The following GSTZ1 variants were observed in gnomAD, a reference collection of about 807,000 sequenced individuals.
The protein encoded by GSTZ1 is maleylacetoacetate isomerase.
A neutral mutation model predicts 35.9 loss-of-function variants in GSTZ1; 34 were observed. The ratio of observed to expected loss-of-function variants is 0.95; its 90% CI spans 0.72 to 1.26. GSTZ1 has a LOEUF of 1.26. Ranked by LOEUF, GSTZ1 falls within the 50% of genes most tolerant of loss-of-function variation. The pLI is 0.00. For missense variants in GSTZ1, 263 were observed against 271.7 expected (o/e 0.97, Z 0.23); for synonymous variants, 93 against 101.2 (o/e 0.92, Z 0.49).
In GSTZ1 at chr14:77,330,295, C is replaced by G; in HGVS notation, c.475-15C>G. On this transcript the variant is annotated splice_polypyrimidine_tract_variant and intron_variant, in intron 7 of 8. Transcript: ENST00000216465. ...GGTATGCACCCTGATGGGAACCCACCGGGACCTCTTTCAGGTGACCATGGC... is the reference window on the plus strand; with the variant it reads ...GGTATGCACCCTGATGGGAACCCACGGGGACCTCTTTCAGGTGACCATGGC... 1 of 1,608,674 alleles carries G rather than the reference C, an allele frequency of 6.2e-7. No homozygotes were observed. The highest frequency in any genetic ancestry group is 8.5e-7 in the Non-Finnish European group (1 of 1,175,060).
chr14:77,330,412 C>T lies in GSTZ1; in HGVS notation c.524+53C>T, dbSNP rs755353503. 9.5e-4 allele frequency: 1,334 copies of T among 1,404,588 alleles called. 13 individuals carry two copies. The highest frequency in any genetic ancestry group is 8.5e-3 in the Middle Eastern group (47 of 5,556). The allele number at this position is 1,404,588 out of a possible 1,614,324, so 87.0% of individuals were successfully genotyped here. A position where few individuals can be genotyped will look rare whatever the true frequency, so the allele number is the denominator to read the frequency against. On this transcript the variant is annotated intron_variant, in intron 8 of 8. Coordinates refer to ENST00000216465, the MANE Select transcript of GSTZ1 (RefSeq NM_145870.3). ...TCTCGTGGCTCTGCCCACAGTCAGG[C>T]CCCACTCAGCTGGCGAGATAGCATC...
At chr14:77,329,950 A>C in intron 7 of GSTZ1, 143 bp downstream of exon 7, 1 of 694,744 alleles carries the variant, frequency 1.4e-6, no homozygotes, top group South Asian at 1.6e-5. Context: ...ACTCCCACTA[A>C]ACCGTCTTAA....
intron 8 of GSTZ1, among the ~76,000 whole-genome samples, chr14:77,330,604 C>G (rs1892573529): frequency 2.0e-5 from 3 of 152,152 alleles, no homozygotes; most frequent in Non-Finnish European, 2.9e-5. Flanking sequence ...AGGTGGCTCA[C>G]CTGGTGGACC....
chr14:77,327,382 G>C, intron 3 of GSTZ1, 90 bp from the exon 4 acceptor site: 1 of 757,500 alleles, frequency 1.3e-6, no homozygotes, highest in African/African-American at 1.7e-5. Context: ...ATGGGGGTGG[G>C]TGGCAGGCCT....
chr14:77,329,915 T>C, intron 7 of GSTZ1, 108 bp downstream of exon 7: 1 of 842,238 alleles, frequency 1.2e-6, no homozygotes, highest in Non-Finnish European at 2.0e-6. Context: ...GGGGGATCTC[T>C]GTGCCATGGG....
chr14:77,329,771 A>G lies in GSTZ1; in HGVS notation c.438A>G (p.Leu146=), dbSNP rs1194538043. The part of the protein sequence containing the change: ...TCGFNALEQI[L]QSTAGIYCVG... ...TCCCCACAGCCCTGGAGCAGATCCT[A>G]CAGAGCACAGCGGGCATATACTGTG... The change falls in exon 7 of 9, where the codon CTA becomes CTG. Residue 146 remains leucine, a synonymous_variant. Coordinates refer to ENST00000216465, the MANE Select transcript of GSTZ1 (RefSeq NM_145870.3). The G allele has an allele frequency of 4.3e-6, 7 of 1,613,704 alleles. No homozygotes were observed. The highest frequency in any genetic ancestry group is 5.9e-6 in the Non-Finnish European group (7 of 1,179,614).
chr14:77,326,168 A>G (rs1467364960), intron 2 of GSTZ1: 1 of 152,230 alleles, frequency 6.6e-6, no homozygotes, highest in Non-Finnish European at 1.5e-5. Flanking sequence ...TGACCCACCC[A>G]AGTTTTTTTT....
At chr14:77,327,881 T>C (rs1396151785) in intron 4 of GSTZ1, 31 bp from the exon 5 acceptor site, 5 of 1,612,264 alleles carry the variant, frequency 3.1e-6, no homozygotes, top group Non-Finnish European at 4.2e-6. Context: ...TCCTGGGCCC[T>C]CTCCCTGCCT....
intron 1 of GSTZ1, 112 bp downstream of exon 1, chr14:77,321,295 A>G (rs560964879): frequency 1.3e-6 from 2 of 1,520,428 alleles, no homozygotes; most frequent in Non-Finnish European, 1.8e-6. Context: ...GACTCCCGGC[A>G]TGCAGTGCTT....
rs1216164090 is a variant in GSTZ1 at position 77,330,105 on chromosome 14, C to A, written c.475-205C>A. 3 of 704,362 alleles carry A rather than the reference C, an allele frequency of 4.3e-6. No individual in the cohort carries two copies. The East Asian group carries it at 8.0e-5, about 19-fold the overall frequency. The allele number at this position is 704,362 out of a possible 1,614,324, so 43.6% of individuals were successfully genotyped here. ...CAACCCACAGAGTTGGTTGTCAGGG[C>A]AACTGGAGCATGGCCTGGGAGGGCA... On this transcript the variant is annotated intron_variant, in intron 7 of 8. Coordinates refer to ENST00000216465, the MANE Select transcript of GSTZ1 (RefSeq NM_145870.3).
At chr14:77,322,703 C>T (rs772194695) in intron 1 of GSTZ1, 28 of 985,300 alleles carry the variant, frequency 2.8e-5, no homozygotes, top group Non-Finnish European at 3.4e-5. Flanking sequence ...GCTTTCTGTG[C>T]CAGGACCATC....
chr14:77,329,678 T>C (rs1892513809), intron 6 of GSTZ1, 77 bp from the exon 7 acceptor site: 2 of 1,144,820 alleles, frequency 1.7e-6, no homozygotes, highest in Non-Finnish European at 2.7e-6. Flanking sequence ...ATTTCATAAC[T>C]ATGGAGGCCA....
chr14:77,330,494 A>T, intron 8 of GSTZ1, 135 bp downstream of exon 8: 1 of 755,202 alleles, frequency 1.3e-6, no homozygotes, highest in Non-Finnish European at 2.4e-6. Flanking sequence ...CCACATAGCC[A>T]CTTCTGCCTG....
intron 1 of GSTZ1, 145 bp from the exon 2 acceptor site, chr14:77,324,725 C>T: frequency 8.7e-7 from 1 of 1,152,594 alleles, no homozygotes; most frequent in East Asian, 2.5e-5. Context: ...ATGAGCCTCT[C>T]AGAGAGCTTG....
chr14:77,327,036 G>A, intron 3 of GSTZ1, 131 bp downstream of exon 3: 1 of 694,664 alleles, frequency 1.4e-6, no homozygotes. Flanking sequence ...GCAGGAGGCT[G>A]CTGGCTCTCC....
Position 77,326,484 on chromosome 14 carries a change from G to A in GSTZ1, c.68-354G>A, listed in dbSNP as rs1464707261. 7 of 211,100 alleles carry A rather than the reference G, an allele frequency of 3.3e-5. No individual in the cohort carries two copies. In the Admixed American group the frequency reaches 3.6e-4, roughly 11 times the overall value. The allele number at this position is 211,100 out of a possible 1,614,324, so 13.1% of individuals were successfully genotyped here. A position where few individuals can be genotyped will look rare whatever the true frequency, so the allele number is the denominator to read the frequency against. On this transcript the variant is annotated intron_variant, in intron 2 of 8. Coordinates refer to ENST00000216465, the MANE Select transcript of GSTZ1 (RefSeq NM_145870.3). Reference sequence around the variant, plus strand: ...GTCACCACTGTTTAAGGCCCTGGGGGGGCAGAGTTAAACACAACACAGCCT... The same window carrying A: ...GTCACCACTGTTTAAGGCCCTGGGGAGGCAGAGTTAAACACAACACAGCCT...
rs781486078 is a variant in GSTZ1 at position 77,330,218 on chromosome 14, G to A, written c.475-92G>A. 54 of 886,392 alleles carry A rather than the reference G, an allele frequency of 6.1e-5. No individual in the cohort carries two copies. The Middle Eastern group carries it at 3.8e-3, about 63-fold the overall frequency. 54.9% of individuals were successfully genotyped at this position (886,392 alleles called of 1,614,324 possible). Reference sequence around the variant, plus strand: ...GTGAAAGAGCCGAAGCAGATTGTTGGTACCCCCAGTAGAGTCGCAGTGGAC... The same window carrying A: ...GTGAAAGAGCCGAAGCAGATTGTTGATACCCCCAGTAGAGTCGCAGTGGAC... On this transcript the variant is annotated intron_variant, in intron 7 of 8. Coordinates refer to ENST00000216465, the MANE Select transcript of GSTZ1 (RefSeq NM_145870.3).
intron 7 of GSTZ1, 42 bp from the exon 8 acceptor site, chr14:77,330,266 CTG>C (rs767413282): frequency 6.3e-6 from 9 of 1,424,806 alleles, no homozygotes; most frequent in South Asian, 5.7e-5. Flanking sequence ...GCCACTGACT[CTG>C]GGGTATGCAC....
Position 77,327,965 on chromosome 14 carries a change from T to TC in GSTZ1, c.271dup (p.Gln91ProfsTer14). The TC allele has an allele frequency of 1.2e-6, 2 of 1,613,984 alleles. No homozygotes were observed. Among genetic ancestry groups the TC allele is most frequent in the South Asian group, 2.2e-5 (2 of 91,066 alleles). The stretch of plus-strand genomic sequence containing the variant: ...TGCGTCCCACTCCGCGACTTCTGCC[T>TC]CAGGACCCAAAGAAGAGGGCCAGCG... On this transcript the variant is annotated frameshift_variant, in exon 5 of 9. Transcript: ENST00000216465. LOFTEE classifies it high-confidence loss of function.
Sources: gnomAD v4.1 joint callset for allele counts (sites outside exome capture counted in the v4.1 genomes callset) on GRCh38, gnomAD v4.1.1 for gene constraint, MANE v1.5 for transcripts, NCBI Gene and HGNC (gene_info 2026-07-23, HGNC 2026-07-21) for gene names.